BCL2L11: variants seen among roughly 807,000 people sequenced by gnomAD.
The protein encoded by BCL2L11 is BCL2 like 11.
BCL2L11 carries 15 observed loss-of-function variants against 20.6 expected under a neutral mutation model. The ratio of observed to expected loss-of-function variants is 0.73; its 90% CI spans 0.49 to 1.12. The LOEUF is 1.12. Ranked by LOEUF, BCL2L11 falls within the 50% of genes most tolerant of loss-of-function variation. The probability of loss-of-function intolerance (pLI) is 0.00; values close to 1 mark genes in which losing one functional copy is unlikely to be tolerated. For synonymous variants in BCL2L11, 108 were observed against 92.8 expected (o/e 1.16, Z -0.94); for missense variants, 292 against 260.9 (o/e 1.12, Z -0.82).
intron 2 of BCL2L11, among the ~76,000 whole-genome samples, chr2:111,125,109 G>C (rs981005678): frequency 6.6e-6 from 1 of 152,226 alleles, no homozygotes; most frequent in African/African-American, 2.4e-5. Flanking sequence ...CCTAATTGTG[G>C]CTGTGAGGGC....
At chr2:111,139,355 A>G (rs148549450) in intron 2 of BCL2L11, among the ~76,000 whole-genome samples, 1 of 152,202 alleles carries the variant, frequency 6.6e-6, no homozygotes, top group East Asian at 1.9e-4. Context: ...AAACTTGACT[A>G]TAATTCAAAA....
At chr2:111,141,628 A>G (rs1001004420) in intron 2 of BCL2L11, among the ~76,000 whole-genome samples, 16 of 152,052 alleles carry the variant, frequency 1.1e-4, no homozygotes, top group Non-Finnish European at 2.1e-4. Flanking sequence ...ACTAACCTGC[A>G]CATTGTGCAC....
intron 3 of BCL2L11, among the ~76,000 whole-genome samples, chr2:111,159,182 G>T (rs1382261739): frequency 4.6e-5 from 7 of 152,236 alleles, no homozygotes; most frequent in Non-Finnish European, 1.0e-4. Context: ...AGGAGGGAAG[G>T]TGCTGGCCTG....
intron 2 of BCL2L11, among the ~76,000 whole-genome samples, chr2:111,144,179 C>G (rs552636076): frequency 6.6e-6 from 1 of 152,306 alleles, no homozygotes; most frequent in East Asian, 1.9e-4. Context: ...GTCTTGAATT[C>G]ATGTGACTGC....
At chr2:111,121,602 G>T (rs186139841) in intron 1 of BCL2L11, among the ~76,000 whole-genome samples, 1 of 152,232 alleles carries the variant, frequency 6.6e-6, no homozygotes, top group African/African-American at 2.4e-5. Flanking sequence ...AGTAGCGGCC[G>T]CGCAGTGTGA....
At chr2:111,137,887 T>C (rs1276939288) in intron 2 of BCL2L11, among the ~76,000 whole-genome samples, 1 of 152,126 alleles carries the variant, frequency 6.6e-6, no homozygotes, top group African/African-American at 2.4e-5. Context: ...GATAGTCTAG[T>C]TTAATATTAA....
At chr2:111,158,810 CA>C (rs1229355881) in intron 3 of BCL2L11, among the ~76,000 whole-genome samples, 1 of 152,222 alleles carries the variant, frequency 6.6e-6, no homozygotes, top group Non-Finnish European at 1.5e-5. Context: ...GGCTCTCTTA[CA>C]GCACATCTCA....
At chr2:111,134,386 A>G (rs747811971) in intron 2 of BCL2L11, among the ~76,000 whole-genome samples, 3 of 152,100 alleles carry the variant, frequency 2.0e-5, no homozygotes, top group Non-Finnish European at 4.4e-5. Context: ...TTCTAAGTCT[A>G]CTGGTATCAA....
intron 2 of BCL2L11, among the ~76,000 whole-genome samples, chr2:111,141,329 CA>C (rs1290704407): frequency 1.3e-5 from 2 of 151,380 alleles, no homozygotes; most frequent in African/African-American, 4.9e-5. Flanking sequence ...GAATACTATG[CA>C]GCCATAAAAA....
chr2:111,122,609 G>C (rs1352838765), intron 1 of BCL2L11: 2 of 984,492 alleles, frequency 2.0e-6, no homozygotes, highest in Non-Finnish European at 2.4e-6. Flanking sequence ...CGGTGCCGGC[G>C]GCGGCGGGCG....
chr2:111,135,432 A>G (rs1337084968), intron 2 of BCL2L11, among the ~76,000 whole-genome samples: 1 of 151,974 alleles, frequency 6.6e-6, no homozygotes, highest in East Asian at 1.9e-4. Context: ...TCCCTCAGCC[A>G]CTGCTGACAC....
intron 1 of BCL2L11, chr2:111,122,807 C>T (rs2071419582): frequency 4.1e-6 from 4 of 985,212 alleles, no homozygotes; most frequent in Admixed American, 6.2e-5. Flanking sequence ...GGCTTTGTCT[C>T]CTGCGCTGCT....
At chr2:111,123,554 A>T (rs917997290) in intron 1 of BCL2L11, 179 bp from the exon 2 acceptor site, 1 of 980,114 alleles carries the variant, frequency 1.0e-6, no homozygotes, top group Non-Finnish European at 1.2e-6. Flanking sequence ...TACCAAAAAA[A>T]AATTACACCT....
chr2:111,151,231 T>A (rs76185881), intron 3 of BCL2L11, among the ~76,000 whole-genome samples: 5,268 of 152,250 alleles, frequency 0.035, 330 homozygotes, highest in African/African-American at 0.12. Context: ...ATGTGTAGAC[T>A]TTGACTCCAG....
At chr2:111,141,688 C>G (rs972813585) in intron 2 of BCL2L11, among the ~76,000 whole-genome samples, 3 of 141,234 alleles carry the variant, frequency 2.1e-5, no homozygotes, top group African/African-American at 8.5e-5. Flanking sequence ...ATAATAATCC[C>G]AATTCTTGTG....
intron 2 of BCL2L11, among the ~76,000 whole-genome samples, chr2:111,134,652 T>C (rs1553491630): frequency 6.6e-6 from 1 of 152,242 alleles, no homozygotes; most frequent in Non-Finnish European, 1.5e-5. Flanking sequence ...TTTCTTCTTT[T>C]GTCATTTCCT....
At chr2:111,161,448 G>A in intron 3 of BCL2L11, 1 of 1,550,518 alleles carries the variant, frequency 6.4e-7, no homozygotes, top group Non-Finnish European at 8.7e-7. Context: ...AAGAACCACT[G>A]TAGCAGACGC....
intron 1 of BCL2L11, chr2:111,122,854 G>C (rs1284749270): frequency 1.4e-5 from 14 of 985,512 alleles, no homozygotes; most frequent in Non-Finnish European, 1.3e-5. Flanking sequence ...GGTCGGCGAA[G>C]GGCGCGGGCC....
At chr2:111,125,457 G>A (rs1187150689) in intron 2 of BCL2L11, among the ~76,000 whole-genome samples, 1 of 152,194 alleles carries the variant, frequency 6.6e-6, no homozygotes, top group Non-Finnish European at 1.5e-5. Flanking sequence ...TAAGTTGGTA[G>A]AGTTATCAAT....
Sources: allele counts gnomAD v4.1 joint callset (sites outside exome capture counted in the v4.1 genomes callset), GRCh38; gene constraint gnomAD v4.1.1; transcripts MANE v1.5; gene names NCBI Gene and HGNC (gene_info 2026-07-23, HGNC 2026-07-21).